The following GNG12 variants were observed in gnomAD, a reference collection of about 807,000 sequenced individuals.
The protein encoded by GNG12 is G protein subunit gamma 12.
For synonymous variants in GNG12, 28 were observed against 29.7 expected, an observed-to-expected ratio of 0.94 and a Z score of 0.19; for missense variants, 69 against 83.8, an observed-to-expected ratio of 0.82 and a Z score of 0.69.
rs1157128043 is a variant in GNG12 at position 67,715,153 on chromosome 1, G to A, written c.-26-7441C>T. The stretch of plus-strand genomic sequence containing the variant: ...AGGCTGGTCTTGAACTCCTGACCTC[G>A]TGATCCACCCGCCTCACCCTCTCAA... On this transcript the variant is annotated intron_variant, in intron 2 of 3. Transcript: ENST00000370982. Among the ~76,000 whole-genome samples the A allele has an allele frequency of 9.9e-5, 15 of 152,146 alleles. No individual in the cohort carries two copies. The South Asian group carries it at 1.0e-3, about 11-fold the overall frequency.
intron 1 of GNG12, among the ~76,000 whole-genome samples, chr1:67,802,287 C>T (rs1646870885): frequency 6.6e-6 from 1 of 152,098 alleles, no homozygotes; most frequent in Admixed American, 6.5e-5. Flanking sequence ...GTTTGCAGGA[C>T]ATGTGATATT....
chr1:67,715,431 A>G (rs933695104), intron 2 of GNG12, among the ~76,000 whole-genome samples: 6 of 152,184 alleles, frequency 3.9e-5, no homozygotes, highest in Admixed American at 1.3e-4. Context: ...AGTCTCTGTC[A>G]ATTCAATGCG....
chr1:67,702,599 T>G lies in GNG12; in HGVS notation c.*2852A>C, dbSNP rs1646222142. 6.6e-6 allele frequency: 1 copy of G among 150,610 alleles called. No individual in the cohort carries two copies. Among genetic ancestry groups the G allele is most frequent in the Non-Finnish European group, 1.5e-5 (1 of 67,646 alleles). The allele number at this position is 150,610 out of a possible 1,614,324, so 9.3% of individuals were successfully genotyped here. A position where few individuals can be genotyped will look rare whatever the true frequency, so the allele number is the denominator to read the frequency against. ...GGTAAATGATTTTAAAAACCTGACA[T>G]TTTTTAGAAGAAAAAAAAAAACTAG... On this transcript the variant is annotated 3_prime_UTR_variant, in exon 4 of 4. Transcript: ENST00000370982.
intron 1 of GNG12, among the ~76,000 whole-genome samples, chr1:67,788,675 A>T (rs1337418260): frequency 6.6e-6 from 1 of 152,196 alleles, no homozygotes; most frequent in Non-Finnish European, 1.5e-5. Flanking sequence ...TCTTCCTAAA[A>T]TAAATTAGTT....
intron 2 of GNG12, among the ~76,000 whole-genome samples, chr1:67,709,924 TTATATATATAGTTATATA>T (rs1182395155): frequency 5.3e-4 from 22 of 41,364 alleles, no homozygotes; most frequent in African/African-American, 1.8e-3. Flanking sequence ...ATATATATAG[TTATATATATAGTTATATA>T]TATATAGTTA....
intron 1 of GNG12, among the ~76,000 whole-genome samples, chr1:67,831,511 T>C (rs1647044714): frequency 6.6e-6 from 1 of 152,246 alleles, no homozygotes; most frequent in Non-Finnish European, 1.5e-5. Flanking sequence ...GGGGGTTCGA[T>C]ATCTAGTAAA....
chr1:67,823,721 G>T (rs1646996251), intron 1 of GNG12, among the ~76,000 whole-genome samples: 1 of 152,226 alleles, frequency 6.6e-6, no homozygotes, highest in African/African-American at 2.4e-5. Flanking sequence ...ATTCCTGATG[G>T]GAGGGCAAAA....
chr1:67,773,665 C>A (rs2100757791), intron 2 of GNG12, among the ~76,000 whole-genome samples: 1 of 152,270 alleles, frequency 6.6e-6, no homozygotes, highest in Admixed American at 6.5e-5. Context: ...AACCACAACA[C>A]AGACTGAGTC....
chr1:67,773,992 C>T (rs1318988819), intron 2 of GNG12, among the ~76,000 whole-genome samples: 2 of 152,358 alleles, frequency 1.3e-5, no homozygotes, highest in African/African-American at 4.8e-5. Flanking sequence ...GGACTGCACT[C>T]AGCTGTCACA....
At chr1:67,774,674 C>T (rs184804690) in intron 2 of GNG12, among the ~76,000 whole-genome samples, 160 of 152,334 alleles carry the variant, frequency 1.1e-3, no homozygotes, top group African/African-American at 3.8e-3. Flanking sequence ...CCTACTCTCT[C>T]TTTAGTACTA....
intron 1 of GNG12, among the ~76,000 whole-genome samples, chr1:67,806,516 T>G: frequency 6.6e-6 from 1 of 150,978 alleles, no homozygotes; most frequent in East Asian, 1.9e-4. Flanking sequence ...ATGTACAGAT[T>G]TTGGTTACAT....
intron 1 of GNG12, among the ~76,000 whole-genome samples, chr1:67,819,752 G>A (rs1646974256): frequency 6.6e-6 from 1 of 152,048 alleles, no homozygotes; most frequent in Non-Finnish European, 1.5e-5. Context: ...CCTACCACAG[G>A]AGCCTTCTTT....
intron 1 of GNG12, among the ~76,000 whole-genome samples, chr1:67,786,935 A>ATATGTGTGTGTGTGTG (rs1332684243): frequency 7.5e-6 from 1 of 133,408 alleles, no homozygotes; most frequent in Non-Finnish European, 1.6e-5. Context: ...TTATATATAT[A>ATATGTGTGTGTGTGTG]TGTGTGTGTG....
chr1:67,796,575 C>G (rs1646832567), intron 1 of GNG12, among the ~76,000 whole-genome samples: 1 of 152,066 alleles, frequency 6.6e-6, no homozygotes, highest in Admixed American at 6.6e-5. Context: ...ATAGTAGGCA[C>G]TCAATAAATA....
intron 2 of GNG12, among the ~76,000 whole-genome samples, chr1:67,732,744 C>T (rs549367414): frequency 3.3e-5 from 5 of 152,316 alleles, no homozygotes; most frequent in African/African-American, 9.6e-5. Context: ...CCCAAGGTCC[C>T]CCAGGACTAG....
chr1:67,777,674 T>A (rs1002080377), intron 1 of GNG12, among the ~76,000 whole-genome samples, 167 bp from the exon 2 acceptor site: 3 of 152,300 alleles, frequency 2.0e-5, no homozygotes, highest in Admixed American at 1.3e-4. Flanking sequence ...GCCAACACAG[T>A]TTAACTTCCT....
intron 2 of GNG12, among the ~76,000 whole-genome samples, chr1:67,724,585 TC>T (rs1418518836): frequency 1.3e-5 from 2 of 152,140 alleles, no homozygotes; most frequent in Non-Finnish European, 2.9e-5. Context: ...AGATGGGGTT[TC>T]ACCATGTTCA....
chr1:67,717,749 T>C (rs183506769), intron 2 of GNG12, among the ~76,000 whole-genome samples: 41 of 152,318 alleles, frequency 2.7e-4, no homozygotes, highest in African/African-American at 7.7e-4. Context: ...GACTCTCCTG[T>C]TCTTGCCCTG....
chr1:67,811,510 C>A (rs781749575), intron 1 of GNG12, among the ~76,000 whole-genome samples: 2 of 152,200 alleles, frequency 1.3e-5, no homozygotes, highest in Non-Finnish European at 2.9e-5. Context: ...CTAAGCCACT[C>A]TGCACTGGGT....
Sources: gnomAD v4.1 joint callset for allele counts (sites outside exome capture counted in the v4.1 genomes callset) on GRCh38, gnomAD v4.1.1 for gene constraint, MANE v1.5 for transcripts, NCBI Gene and HGNC (gene_info 2026-07-23, HGNC 2026-07-21) for gene names.